The following SAMD12 variants were observed in gnomAD, a reference collection of about 807,000 sequenced individuals.
SAMD12 encodes the protein sterile alpha motif domain-containing protein 12.
In SAMD12, 9 loss-of-function variants were observed where a neutral mutation model predicts 15.0. The ratio of observed to expected loss-of-function variants is 0.60; its 90% CI spans 0.36 to 1.05. SAMD12 has a LOEUF of 1.05. Ranked by LOEUF, SAMD12 falls within the 50% of genes least tolerant of loss-of-function variation. The pLI, the probability that SAMD12 is intolerant of heterozygous loss-of-function variation, is 0.01. For synonymous variants in SAMD12, 86 were observed against 90.1 expected, an observed-to-expected ratio of 0.96 and a Z score of 0.25; for missense variants, 230 against 234.2, an observed-to-expected ratio of 0.98 and a Z score of 0.12.
the SAMD12 span, among the ~76,000 whole-genome samples, chr8:118,171,342 T>A: frequency 1.1e-4 from 17 of 152,260 alleles, no homozygotes; most frequent in South Asian, 4.1e-4. Flanking sequence ...TTAGTATATA[T>A]CCAAGAGAAA....
At chr8:118,189,204 G>T (rs17507124), downstream of SAMD12, among the ~76,000 whole-genome samples, 3,795 of 152,170 alleles carry the variant, frequency 0.025, 69 homozygotes, top group Middle Eastern at 0.051. Context: ...GGTGGGATTT[G>T]GTGCTGGGGG....
At chr8:118,516,420 G>C (rs757929322) in intron 2 of SAMD12, among the ~76,000 whole-genome samples, 1 of 152,112 alleles carries the variant, frequency 6.6e-6, no homozygotes, top group Non-Finnish European at 1.5e-5. Context: ...ATATGAAATG[G>C]ATATAGTTGC....
At chr8:118,379,790 C>A in intron 3 of SAMD12, 90 bp from the exon 4 acceptor site, 1 of 1,488,326 alleles carries the variant, frequency 6.7e-7, no homozygotes, top group Non-Finnish European at 9.0e-7. Flanking sequence ...CCTGCCATCA[C>A]AGAAGTTTCT....
At chr8:118,455,850 G>A (rs1267967191) in intron 2 of SAMD12, among the ~76,000 whole-genome samples, 1 of 71,588 alleles carries the variant, frequency 1.4e-5, no homozygotes, top group Non-Finnish European at 2.8e-5. Context: ...ATACAAGACT[G>A]TGGGGGTATA....
At chr8:118,177,560 G>T in the SAMD12 span, among the ~76,000 whole-genome samples, 1 of 152,026 alleles carries the variant, frequency 6.6e-6, no homozygotes, top group Non-Finnish European at 1.5e-5. Flanking sequence ...GAGGATTAAC[G>T]CCTGGGAAGG....
chr8:118,254,135 A>G (rs1264315085), intron 4 of SAMD12, among the ~76,000 whole-genome samples: 1 of 152,156 alleles, frequency 6.6e-6, no homozygotes, highest in Non-Finnish European at 1.5e-5. Context: ...TGTTGTGCAC[A>G]AAAGATGAAA....
intron 4 of SAMD12, among the ~76,000 whole-genome samples, chr8:118,257,453 C>A (rs1181263683): frequency 6.6e-6 from 1 of 152,116 alleles, no homozygotes; most frequent in Admixed American, 6.6e-5. Context: ...CCAAGAATTT[C>A]TTTATCTTTG....
intron 1 of SAMD12, chr8:118,621,427 C>G (rs1260104242): frequency 1.7e-5 from 5 of 292,848 alleles, no homozygotes; most frequent in African/African-American, 8.6e-5. Context: ...ACCAAGCATC[C>G]CCAGCCCCGG....
At chr8:118,212,344 G>A (rs1194540419) in intron 4 of SAMD12, among the ~76,000 whole-genome samples, 5 of 152,108 alleles carry the variant, frequency 3.3e-5, no homozygotes, top group East Asian at 1.9e-4. Flanking sequence ...AGAAAAAAAA[G>A]ATGCTGATTA....
chr8:118,366,040 G>A (rs1255876967), intron 4 of SAMD12, among the ~76,000 whole-genome samples: 1 of 152,046 alleles, frequency 6.6e-6, no homozygotes, highest in African/African-American at 2.4e-5. Flanking sequence ...TATCTATCTT[G>A]CTTATCATAT....
At chr8:118,239,205 G>A (rs1812509167) in intron 4 of SAMD12, among the ~76,000 whole-genome samples, 1 of 152,056 alleles carries the variant, frequency 6.6e-6, no homozygotes, top group Non-Finnish European at 1.5e-5. Flanking sequence ...GGATCACCTA[G>A]TACATACAAA....
chr8:118,517,143 C>G (rs973614338), intron 2 of SAMD12, among the ~76,000 whole-genome samples: 3 of 152,102 alleles, frequency 2.0e-5, no homozygotes, highest in African/African-American at 7.2e-5. Flanking sequence ...TTCTGAGTTC[C>G]TAGCTCAAAG....
chr8:118,145,306 A>G, the SAMD12 span, among the ~76,000 whole-genome samples: 1 of 152,190 alleles, frequency 6.6e-6, no homozygotes, highest in Non-Finnish European at 1.5e-5. Context: ...AAAATGCTCA[A>G]TTATGTCATT....
intron 2 of SAMD12, among the ~76,000 whole-genome samples, chr8:118,488,016 A>G (rs1347905336): frequency 6.6e-6 from 1 of 152,216 alleles, no homozygotes; most frequent in Non-Finnish European, 1.5e-5. Flanking sequence ...TCTAAATGAA[A>G]GTATGCTTAC....
chr8:118,378,846 C>A lies in SAMD12; in HGVS notation c.*571G>T, dbSNP rs1381781910. 1.1e-5 allele frequency: 11 copies of A among 984,784 alleles called. No homozygotes were observed. The highest frequency in any genetic ancestry group is 1.3e-5 in the Non-Finnish European group (11 of 829,460). The allele number at this position is 984,784 out of a possible 1,614,324, so 61.0% of individuals were successfully genotyped here. A position where few individuals can be genotyped will look rare whatever the true frequency, so the allele number is the denominator to read the frequency against. ...GAATTCTAGCTTTATTTTGTCACTT[C>A]CACAGTTATTGAGATCTTAAGTGCT... On this transcript the variant is annotated 3_prime_UTR_variant, in exon 4 of 4. Transcript: ENST00000314727.
chr8:118,409,982 T>G (rs751979563), intron 3 of SAMD12, among the ~76,000 whole-genome samples: 4 of 152,214 alleles, frequency 2.6e-5, no homozygotes, highest in Non-Finnish European at 4.4e-5. Context: ...CATCATAAAG[T>G]ACACGTATAT....
At chr8:118,321,144 A>AATAAATATATATATATATATAT (rs57107358) in intron 4 of SAMD12, among the ~76,000 whole-genome samples, 12 of 94,478 alleles carry the variant, frequency 1.3e-4, no homozygotes, top group African/African-American at 4.5e-4. Flanking sequence ...ATAGATAATA[A>AATAAATATATATATATATATAT]ATATATATAT....
intron 4 of SAMD12, among the ~76,000 whole-genome samples, chr8:118,259,100 A>G (rs956594935): frequency 6.6e-6 from 1 of 152,136 alleles, no homozygotes; most frequent in African/African-American, 2.4e-5. Flanking sequence ...AGTGAAAACA[A>G]AAACCGTGAA....
intron 2 of SAMD12, among the ~76,000 whole-genome samples, chr8:118,502,532 A>G (rs919742126): frequency 2.0e-4 from 30 of 152,346 alleles, no homozygotes; most frequent in African/African-American, 6.5e-4. Context: ...CTTTTTTCTA[A>G]TAACTGTGTA....
Sources: gnomAD v4.1 joint callset for allele counts (sites outside exome capture counted in the v4.1 genomes callset) on GRCh38, gnomAD v4.1.1 for gene constraint, MANE v1.5 for transcripts, NCBI Gene and HGNC (gene_info 2026-07-23, HGNC 2026-07-21) for gene names.